The following ZNF644 variants were observed in gnomAD, a reference collection of about 807,000 sequenced individuals.
The protein encoded by ZNF644 is zinc finger protein 644, also known as zinc finger motif enhancer binding protein 2.
ZNF644 carries 20 observed loss-of-function variants against 108.0 expected under a neutral mutation model. That is an observed-to-expected ratio of 0.19 (90% confidence interval 0.13 to 0.27). The LOEUF (loss-of-function observed/expected upper bound fraction) is 0.27. Ranked by LOEUF, ZNF644 falls within the 10% of genes least tolerant of loss-of-function variation. The pLI, the probability that ZNF644 is intolerant of heterozygous loss-of-function variation, is 1.00. For missense variants in ZNF644, 1,338 were observed against 1,548.9 expected (o/e 0.86, Z 2.29); for synonymous variants, 542 against 539.1 (o/e 1.01, Z -0.08).
chr1:90,947,118 A>G (rs1296170932), intron 2 of ZNF644, among the ~76,000 whole-genome samples: 1 of 152,178 alleles, frequency 6.6e-6, no homozygotes, highest in African/African-American at 2.4e-5. Context: ...TAGAAAATCA[A>G]AAGGATGTTC....
At chr1:90,962,096 T>C (rs2101138093) in intron 2 of ZNF644, among the ~76,000 whole-genome samples, 1 of 152,230 alleles carries the variant, frequency 6.6e-6, no homozygotes, top group South Asian at 2.1e-4. Context: ...ATGGATAATT[T>C]GCCACTCATG....
chr1:90,968,028 T>A (rs1023289328), intron 2 of ZNF644, among the ~76,000 whole-genome samples: 2 of 127,210 alleles, frequency 1.6e-5, no homozygotes, highest in African/African-American at 6.0e-5. Context: ...ACCACTGCAT[T>A]CCAGCCTGGG....
At chr1:90,962,866 G>T (rs1325249249) in intron 2 of ZNF644, among the ~76,000 whole-genome samples, 1 of 152,100 alleles carries the variant, frequency 6.6e-6, no homozygotes, top group African/African-American at 2.4e-5. Context: ...GAGCCTAAGA[G>T]AATATCTTCA....
Position 90,939,115 on chromosome 1 carries a change from A to G in ZNF644, c.2239T>C (p.Tyr747His). Reference sequence around the variant, plus strand: ...TCACCTGATTTTTTGATCATCCTATAGTTTTCATATTTGTGTCTATACAAA... The same window carrying G: ...TCACCTGATTTTTTGATCATCCTATGGTTTTCATATTTGTGTCTATACAAA... ...HYLYRHKYENYRMIKKSGESY... is the reference protein window; with the variant it reads ...HYLYRHKYENHRMIKKSGESY... Residue 747 changes from tyrosine to histidine, a missense_variant, in exon 3 of 6, where the codon TAT becomes CAT. Physicochemically the swap from Tyr to His is moderately conservative, Grantham distance 83. Transcript: ENST00000337393. The G allele has an allele frequency of 6.2e-7, 1 of 1,613,876 alleles. No individual in the cohort carries two copies. The highest frequency in any genetic ancestry group is 8.5e-7 in the Non-Finnish European group (1 of 1,179,892).
chr1:90,939,644 A>C lies in ZNF644; in HGVS notation c.1710T>G (p.Thr570=). ...ATCCTACTACAGAGTCTTTCATGAA[A>C]GTCTTTTTTTGTGTTTTTCTCTGGG... is the stretch of plus-strand genomic sequence containing the variant. ...DIAQRKTQKK[T]FMKDSVVGSS... is the part of the protein sequence containing the mutation. Residue 570 remains threonine, a synonymous_variant, in exon 3 of 6, where the codon ACT becomes ACG. Transcript: ENST00000337393. 1 of 1,614,024 alleles carries C rather than the reference A, an allele frequency of 6.2e-7. No homozygotes were observed. Among genetic ancestry groups the C allele is most frequent in the Non-Finnish European group, 8.5e-7 (1 of 1,179,948 alleles).
At chr1:90,987,656 G>A (rs1341776117) in intron 1 of ZNF644, among the ~76,000 whole-genome samples, 1 of 151,604 alleles carries the variant, frequency 6.6e-6, no homozygotes, top group Admixed American at 6.6e-5. Flanking sequence ...TCAAAAGAAG[G>A]GAATACTTCA....
intron 1 of ZNF644, among the ~76,000 whole-genome samples, chr1:90,993,122 A>T (rs2101604928): frequency 6.6e-6 from 1 of 152,256 alleles, no homozygotes; most frequent in East Asian, 1.9e-4. Context: ...AAGAAACACC[A>T]GTGGAATCCA....
chr1:90,980,094 A>C (rs55990868), intron 2 of ZNF644, among the ~76,000 whole-genome samples: 1,927 of 151,510 alleles, frequency 0.013, 39 homozygotes, highest in African/African-American at 0.044. Context: ...AACTCTTTTC[A>C]TTGGTCAATG....
chr1:90,967,839 A>C (rs1481319702), intron 2 of ZNF644, among the ~76,000 whole-genome samples: 1 of 150,172 alleles, frequency 6.7e-6, no homozygotes, highest in Non-Finnish European at 1.5e-5. Context: ...CAAGGTCAGG[A>C]GTTCGAGACC....
Position 90,939,181 on chromosome 1 carries a change from C to T in ZNF644, c.2173G>A (p.Ala725Thr), listed in dbSNP as rs1413964973. ...VDQKPKYFHQAAKEKSNAKAN... is the reference protein window; with the variant it reads ...VDQKPKYFHQTAKEKSNAKAN... ...TTGGCATTAGACTTTTCTTTTGCTG[C>T]TTGATGGAAATACTTAGGTTTTTGG... Residue 725 changes from alanine to threonine, a missense_variant, in exon 3 of 6, where the codon GCA becomes ACA. Transcript: ENST00000337393. 1 of 1,613,758 alleles carries T rather than the reference C, an allele frequency of 6.2e-7. No homozygotes were observed. The highest frequency in any genetic ancestry group is 2.2e-5 in the East Asian group (1 of 44,870).
chr1:90,996,578 T>G (rs12760614), intron 1 of ZNF644, among the ~76,000 whole-genome samples: 24,669 of 152,182 alleles, frequency 0.16, 2,235 homozygotes, highest in Middle Eastern at 0.28. Context: ...TGAGTCCAAG[T>G]GCTTGGAACC....
At chr1:90,992,684 T>C (rs1220734007) in intron 1 of ZNF644, among the ~76,000 whole-genome samples, 1 of 152,206 alleles carries the variant, frequency 6.6e-6, no homozygotes, top group Non-Finnish European at 1.5e-5. Context: ...AGCCTGATTG[T>C]GAATAGCCCA....
Position 90,951,443 on chromosome 1 carries a change from C to T in ZNF644, c.45-10134G>A, listed in dbSNP as rs1653155632. Among the ~76,000 whole-genome samples, 4 of 152,256 alleles carry T rather than the reference C, an allele frequency of 2.6e-5. No individual in the cohort carries two copies. The South Asian group carries it at 8.3e-4, about 32-fold the overall frequency. Reference sequence around the variant, plus strand: ...CTTTTTTGTTGTTGTTTTGTTTTTACTATTCTTGAATATGTTCTCTACTAG... The same window carrying T: ...CTTTTTTGTTGTTGTTTTGTTTTTATTATTCTTGAATATGTTCTCTACTAG... On this transcript the variant is annotated intron_variant, in intron 2 of 5. Coordinates refer to ENST00000337393, the MANE Select transcript of ZNF644 (RefSeq NM_201269.3).
intron 2 of ZNF644, among the ~76,000 whole-genome samples, chr1:90,956,730 T>C (rs1251825533): frequency 6.6e-6 from 1 of 152,162 alleles, no homozygotes; most frequent in Non-Finnish European, 1.5e-5. Flanking sequence ...TTGGTTCTTT[T>C]AGTCACAAAT....
At chr1:90,935,562 C>T (rs1651222655) in intron 4 of ZNF644, 1 of 985,666 alleles carries the variant, frequency 1.0e-6, no homozygotes, top group African/African-American at 1.7e-5. Flanking sequence ...TAATCCAGTT[C>T]TCACTTCAAA....
At chr1:90,970,861 G>A (rs370507905) in intron 2 of ZNF644, among the ~76,000 whole-genome samples, 10 of 152,046 alleles carry the variant, frequency 6.6e-5, no homozygotes, top group South Asian at 2.1e-4. Context: ...TTAGCTGGGC[G>A]TGGTGGCACA....
At chr1:90,983,481 C>CAAAA (rs768476839) in intron 1 of ZNF644, among the ~76,000 whole-genome samples, 30 of 63,324 alleles carry the variant, frequency 4.7e-4, no homozygotes, top group African/African-American at 6.5e-4. Context: ...CCTCATATGG[C>CAAAA]AAAAAAAAAA....
intron 1 of ZNF644, among the ~76,000 whole-genome samples, chr1:91,017,915 T>C (rs185053269): frequency 2.6e-5 from 4 of 152,142 alleles, no homozygotes; most frequent in Non-Finnish European, 5.9e-5. Context: ...TGAGCCAAGA[T>C]TGCACCACTG....
chr1:90,986,030 A>G (rs1657057394), intron 1 of ZNF644, among the ~76,000 whole-genome samples: 1 of 152,158 alleles, frequency 6.6e-6, no homozygotes. Flanking sequence ...CAAGTATGAT[A>G]GAAAGTATTT....
Sources: gnomAD v4.1 joint callset for allele counts (sites outside exome capture counted in the v4.1 genomes callset) on GRCh38, gnomAD v4.1.1 for gene constraint, MANE v1.5 for transcripts, NCBI Gene and HGNC (gene_info 2026-07-23, HGNC 2026-07-21) for gene names.